Variants in CARMIL1 observed in about 807,000 individuals in gnomAD.
CARMIL1 encodes the protein capping protein regulator and myosin 1 linker 1.
Under a neutral mutation model 177.1 loss-of-function variants are expected in CARMIL1, and 90 were observed. The observed-to-expected ratio is 0.51, with a 90% confidence interval of 0.43 to 0.61. The LOEUF (loss-of-function observed/expected upper bound fraction) is 0.61. CARMIL1 is among the 20% of genes least tolerant of loss of function. The pLI, the probability that CARMIL1 is intolerant of heterozygous loss-of-function variation, is 0.00. For synonymous variants in CARMIL1, 577 were observed against 606.2 expected, an observed-to-expected ratio of 0.95 and a Z score of 0.71; for missense variants, 1,380 against 1,667.0, an observed-to-expected ratio of 0.83 and a Z score of 3.00.
intron 2 of CARMIL1, among the ~76,000 whole-genome samples, chr6:25,395,666 A>G (rs1321744934): frequency 6.6e-6 from 1 of 152,218 alleles, no homozygotes; most frequent in Admixed American, 6.5e-5. Flanking sequence ...ATGATTGCTC[A>G]TATAGTATTG....
chr6:25,401,606 T>G (rs112491120), intron 2 of CARMIL1, among the ~76,000 whole-genome samples: 35 of 152,348 alleles, frequency 2.3e-4, no homozygotes, highest in African/African-American at 7.2e-4. Context: ...TCTTGGGTCA[T>G]GCAATTCAGT....
chr6:25,295,666 C>T (rs369670011), intron 2 of CARMIL1, among the ~76,000 whole-genome samples: 15 of 152,194 alleles, frequency 9.9e-5, no homozygotes, highest in African/African-American at 3.1e-4. Flanking sequence ...TCCTTGGACC[C>T]TAGCTCCTGA....
chr6:25,364,104 C>T (rs1008090913), intron 2 of CARMIL1, among the ~76,000 whole-genome samples: 3 of 151,838 alleles, frequency 2.0e-5, no homozygotes, highest in Non-Finnish European at 2.9e-5. Flanking sequence ...CACTACCATA[C>T]CCATAATTTA....
intron 1 of CARMIL1, among the ~76,000 whole-genome samples, chr6:25,281,123 C>CGTGTGT (rs772349175): frequency 4.9e-5 from 6 of 122,974 alleles, no homozygotes; most frequent in African/African-American, 1.7e-4. Flanking sequence ...GACGCACGCG[C>CGTGTGT]GTGTGCGCGC....
Position 25,606,151 on chromosome 6 carries a change from G to C in CARMIL1, c.3725G>C (p.Gly1242Ala). The C allele has an allele frequency of 1.2e-6, 2 of 1,613,942 alleles. No homozygotes were observed. Among genetic ancestry groups the C allele is most frequent in the Non-Finnish European group, 1.7e-6 (2 of 1,179,880 alleles). Residue 1242 changes from glycine (G) to alanine (A), a missense_variant, in exon 35 of 37, where the codon GGC (glycine) becomes GCC (alanine). Gly to Ala is a moderately conservative substitution (Grantham distance 60, BLOSUM62 0). Transcript: ENST00000329474. ...NTKAEPKAEA[G>A]SRSRSSSSTP... ...AAAGCAGAACCCAAAGCGGAAGCAG[G>C]CTCCAGGTCTCGGAGCTCATCCAGC...
chr6:25,495,306 A>G (rs1803596338), intron 16 of CARMIL1, 91 bp downstream of exon 16: 1 of 840,150 alleles, frequency 1.2e-6, no homozygotes, highest in Non-Finnish European at 1.8e-6. Flanking sequence ...TATATAATCC[A>G]AAGACAAAAA....
At chr6:25,494,121 TTTA>T (rs1178745758) in intron 15 of CARMIL1, among the ~76,000 whole-genome samples, 1 of 150,100 alleles carries the variant, frequency 6.7e-6, no homozygotes, top group Non-Finnish European at 1.5e-5. Context: ...TTAGTTTTTA[TTTA>T]TTTATTTATT....
intron 29 of CARMIL1, among the ~76,000 whole-genome samples, chr6:25,567,889 A>C (rs3804127): frequency 0.17 from 25,722 of 152,232 alleles, 2,442 homozygotes; most frequent in East Asian, 0.4. Flanking sequence ...ACATGTAGAC[A>C]TTCAGAGAGT....
At chr6:25,387,483 G>T (rs765606444) in intron 2 of CARMIL1, among the ~76,000 whole-genome samples, 4 of 152,224 alleles carry the variant, frequency 2.6e-5, no homozygotes, top group Non-Finnish European at 5.9e-5. Context: ...AATTTTCTAA[G>T]TGAAGAATTC....
At chr6:25,409,718 GCA>G (rs374393118) in intron 2 of CARMIL1, among the ~76,000 whole-genome samples, 5 of 151,806 alleles carry the variant, frequency 3.3e-5, no homozygotes, top group Admixed American at 6.6e-5. Context: ...CGAGAATTGT[GCA>G]CACACACACA....
intron 2 of CARMIL1, among the ~76,000 whole-genome samples, chr6:25,285,950 T>C (rs375162315): frequency 6.6e-6 from 1 of 152,298 alleles, no homozygotes; most frequent in East Asian, 1.9e-4. Flanking sequence ...TGGCTCATTG[T>C]AGCCTCAACC....
chr6:25,533,208 A>G (rs1428754533), intron 24 of CARMIL1, among the ~76,000 whole-genome samples: 3 of 152,142 alleles, frequency 2.0e-5, no homozygotes, highest in Admixed American at 6.5e-5. Context: ...GTCCCTCTTT[A>G]TCTACTGAAA....
At chr6:25,356,612 T>C (rs552693128) in intron 2 of CARMIL1, among the ~76,000 whole-genome samples, 2 of 152,362 alleles carry the variant, frequency 1.3e-5, no homozygotes, top group Admixed American at 6.5e-5. Flanking sequence ...AGGTTATTTT[T>C]CCTGGCGCTT....
chr6:25,430,123 C>T (rs995900009), intron 4 of CARMIL1, among the ~76,000 whole-genome samples: 3 of 151,798 alleles, frequency 2.0e-5, no homozygotes, highest in Non-Finnish European at 4.4e-5. Flanking sequence ...GGATTACAGG[C>T]CTGAGCCATG....
At chr6:25,507,236 AG>A (rs1805002683) in intron 17 of CARMIL1, among the ~76,000 whole-genome samples, 1 of 152,184 alleles carries the variant, frequency 6.6e-6, no homozygotes, top group South Asian at 2.1e-4. Context: ...GTTTTGGGAA[AG>A]CTTTAGCTTT....
At chr6:25,333,242 C>A (rs917488942) in intron 2 of CARMIL1, among the ~76,000 whole-genome samples, 4 of 152,134 alleles carry the variant, frequency 2.6e-5, no homozygotes, top group Non-Finnish European at 5.9e-5. Flanking sequence ...AATTTCTTGA[C>A]AGCAGAACTT....
chr6:25,581,214 T>C, intron 30 of CARMIL1, 29 bp from the exon 31 acceptor site: 1 of 1,585,838 alleles, frequency 6.3e-7, no homozygotes, highest in Non-Finnish European at 8.5e-7. Flanking sequence ...CCTTGGGCTG[T>C]TTTTTTGTTT....
At chr6:25,604,701 C>T in intron 33 of CARMIL1, 111 bp from the exon 34 acceptor site, 1 of 792,158 alleles carries the variant, frequency 1.3e-6, no homozygotes, top group South Asian at 1.7e-5. Flanking sequence ...ACCATAACAG[C>T]AGCTGAGTTA....
At chr6:25,553,981 G>T in intron 27 of CARMIL1, 28 bp from the exon 28 acceptor site, 2 of 1,444,518 alleles carry the variant, frequency 1.4e-6, no homozygotes, top group Non-Finnish European at 1.9e-6. Flanking sequence ...AATTAAAATG[G>T]TACTCTGTCC....
Sources: gnomAD v4.1 joint callset for allele counts (sites outside exome capture counted in the v4.1 genomes callset) on GRCh38, gnomAD v4.1.1 for gene constraint, MANE v1.5 for transcripts, NCBI Gene and HGNC (gene_info 2026-07-23, HGNC 2026-07-21) for gene names.